IK: variants seen among roughly 807,000 people sequenced by gnomAD.
IK encodes the protein protein Red.
A neutral mutation model predicts 90.9 loss-of-function variants in IK; 47 were observed. The observed-to-expected ratio is 0.52, with a 90% CI of 0.41 to 0.66. The LOEUF is 0.66. Among genes scored for constraint, IK ranks in the 30% least tolerant of loss-of-function variants. The pLI, the probability that IK is intolerant of heterozygous loss-of-function variation, is 0.00. For missense variants in IK, 385 were observed against 709.3 expected, an observed-to-expected ratio of 0.54 and a Z score of 5.19; for synonymous variants, 201 against 227.5, an observed-to-expected ratio of 0.88 and a Z score of 1.05.
chr5:140,658,907 A>G, intron 11 of IK, 32 bp from the exon 12 acceptor site: 1 of 1,613,048 alleles, frequency 6.2e-7, no homozygotes, highest in East Asian at 2.2e-5. Context: ...GTATGTGTGA[A>G]TTTGGCCAGC....
chr5:140,657,699 G>T, intron 10 of IK, 37 bp downstream of exon 10: 2 of 1,393,088 alleles, frequency 1.4e-6, no homozygotes, highest in South Asian at 1.2e-5. Context: ...CTTACCCACA[G>T]AGGACGTTTG....
At chr5:140,654,460 G>T in intron 6 of IK, 56 bp from the exon 7 acceptor site, 2 of 1,322,596 alleles carry the variant, frequency 1.5e-6, no homozygotes, top group South Asian at 1.3e-5. Flanking sequence ...GTGGTGTAGT[G>T]GATGTTCAAT....
At chr5:140,657,517 T>C (rs202075814) in intron 9 of IK, 37 bp from the exon 10 acceptor site, 33 of 1,354,510 alleles carry the variant, frequency 2.4e-5, no homozygotes, top group Non-Finnish European at 3.4e-5. Context: ...AGATTTCTGC[T>C]GAGTGGTTTA....
rs369313354 is a variant in IK, at chr5:140,659,844, A to G, written c.1274+10A>G. 1 of 1,567,460 alleles carries G rather than the reference A, an allele frequency of 6.4e-7. No homozygotes were observed. The highest frequency in any genetic ancestry group is 8.7e-7 in the Non-Finnish European group (1 of 1,150,606). On this transcript the variant is annotated intron_variant, in intron 14 of 19. Coordinates refer to ENST00000417647, the MANE Select transcript of IK (RefSeq NM_006083.4). ...GGGAAGGCACAGAATCATATCCTTT[A>G]TTTTAATACGTTCCTGGGTTCCAGA... is the stretch of plus-strand genomic sequence containing the variant.
At chr5:140,654,632 C>T in intron 7 of IK, 46 bp downstream of exon 7, 5 of 1,582,164 alleles carry the variant, frequency 3.2e-6, no homozygotes, top group Non-Finnish European at 4.3e-6. Context: ...AAGGTGGGAC[C>T]TAAAGTTAGA....
In IK at chr5:140,659,023, GCGTGATCGGGAAAGAGACAGAGAC is replaced by G. The variant is rs1757757087; in HGVS notation, c.1041_1064del (p.Asp351_Arg358del). ...AGCGGGAGAGATATCGGGAACGGGA[GCGTGATCGGGAAAGAGACAGAGAC>G]CGTGACCGAGAGCGAGAGCGAGAAC... On this transcript the variant is annotated inframe_deletion, in exon 12 of 20. Coordinates refer to ENST00000417647, the MANE Select transcript of IK (RefSeq NM_006083.4). 1 of 1,613,034 alleles carries G rather than the reference GCGTGATCGGGAAAGAGACAGAGAC, an allele frequency of 6.2e-7. No homozygotes were observed. Among genetic ancestry groups the G allele is most frequent in the South Asian group, 1.1e-5 (1 of 91,072 alleles).
intron 9 of IK, among the ~76,000 whole-genome samples, chr5:140,656,757 T>C (rs887988626): frequency 6.6e-6 from 1 of 152,242 alleles, no homozygotes; most frequent in South Asian, 2.1e-4. Flanking sequence ...ATTTATCTTT[T>C]GTGTTACAAA....
chr5:140,655,764 T>G, intron 8 of IK, 65 bp from the exon 9 acceptor site: 1 of 1,529,282 alleles, frequency 6.5e-7, no homozygotes, highest in Non-Finnish European at 8.9e-7. Flanking sequence ...TAGCACAGAG[T>G]AAGCACATAA....
In IK at chr5:140,660,292, C is replaced by T. The variant is rs150056312; in HGVS notation, c.1355+97C>T. On this transcript the variant is annotated intron_variant, in intron 15 of 19. Transcript: ENST00000417647. ...GATTCGCTAAGTCCCAGGGCTACTT[C>T]TTTTTTTTTTTTTTTTTTTTTTGGA... 6.4e-3 allele frequency: 1,795 copies of T among 281,914 alleles called. 4 individuals are homozygous for T. Among genetic ancestry groups the T allele is most frequent in the South Asian group, 8.3e-3 (299 of 35,918 alleles). The allele number at this position is 281,914 out of a possible 1,614,324, so 17.5% of individuals were successfully genotyped here. A position where few individuals can be genotyped will look rare whatever the true frequency, so the allele number is the denominator to read the frequency against.
intron 9 of IK, among the ~76,000 whole-genome samples, chr5:140,656,556 T>C (rs1757713722): frequency 6.6e-6 from 1 of 152,216 alleles, no homozygotes; most frequent in Admixed American, 6.5e-5. Context: ...CCACTCTGAT[T>C]TGTTATTATA....
intron 15 of IK, 177 bp downstream of exon 15, chr5:140,660,372 G>A (rs1347651258): frequency 1.9e-5 from 10 of 529,904 alleles, no homozygotes; most frequent in Non-Finnish European, 1.7e-5. Context: ...ATCTCTGCTC[G>A]CTGCAATCTC....
chr5:140,647,875 C>T lies in IK; in HGVS notation c.-34C>T, dbSNP rs535080968. 6 of 1,613,590 alleles carry T rather than the reference C, an allele frequency of 3.7e-6. No individual in the cohort carries two copies. The highest frequency in any genetic ancestry group is 4.5e-5 in the East Asian group (2 of 44,886). Reference sequence around the variant, plus strand: ...CGCTGCGGTGTTGCTGTTGGAGACTCGATTGTTGGTGACAGCGAAAGAACG... The same window carrying T: ...CGCTGCGGTGTTGCTGTTGGAGACTTGATTGTTGGTGACAGCGAAAGAACG... On this transcript the variant is annotated 5_prime_UTR_variant, in exon 1 of 20. Coordinates refer to ENST00000417647, the MANE Select transcript of IK (RefSeq NM_006083.4).
At chr5:140,651,985 T>G (rs1157446094) in intron 3 of IK, 103 bp from the exon 4 acceptor site, 1 of 938,244 alleles carries the variant, frequency 1.1e-6, no homozygotes, top group Non-Finnish European at 1.7e-6. Context: ...AGTGTTACTT[T>G]GATCAGTATT....
rs1561981134 is a variant in IK, at chr5:140,661,090, A to G, written c.1413+275A>G. On this transcript the variant is annotated intron_variant, in intron 16 of 19. Transcript: ENST00000417647. This position sits in a 1 kb window ranked among gnomAD's most constrained non-coding sequence, Gnocchi z 4.2. ...CATGGTAGGCAGTAAGCAAGCATCA[A>G]TGCATAAGTAGAAAGGGCAGAAAAA... The G allele has an allele frequency of 1.2e-5, 5 of 400,330 alleles. No individual in the cohort carries two copies. The highest frequency in any genetic ancestry group is 2.1e-5 in the African/African-American group (1 of 48,542). 24.8% of individuals were successfully genotyped at this position (400,330 alleles called of 1,614,324 possible).
At chr5:140,652,212 C>A in intron 4 of IK, 65 bp downstream of exon 4, 4 of 1,212,672 alleles carry the variant, frequency 3.3e-6, no homozygotes, top group Non-Finnish European at 4.9e-6. Flanking sequence ...GAAGTAGGGG[C>A]TAATTATGAA....
At chr5:140,660,573 C>T in intron 15 of IK, 185 bp from the exon 16 acceptor site, 2 of 574,492 alleles carry the variant, frequency 3.5e-6, no homozygotes, top group Non-Finnish European at 6.2e-6. Flanking sequence ...GCGGGGATTA[C>T]AGGAGTGAGC....
chr5:140,660,141 A>T lies in IK; in HGVS notation c.1301A>T (p.Gln434Leu), dbSNP rs1757776351. 16 of 1,613,810 alleles carry T rather than the reference A, an allele frequency of 9.9e-6. No individual in the cohort carries two copies. Among genetic ancestry groups the T allele is most frequent in the Non-Finnish European group, 1.4e-5 (16 of 1,179,782 alleles). Residue 434 changes from glutamine (Q) to leucine (L), a missense_variant, in exon 15 of 20, where the codon CAG (glutamine) becomes CTG (leucine). Around this residue, in one of 8 missense-constraint regions of IK, gnomAD observed 139 missense variants for 172.0 expected, o/e 0.81. Coordinates refer to ENST00000417647, the MANE Select transcript of IK (RefSeq NM_006083.4). ...CTGAAGAAGCCAGAAGACAAAAAGCAGCTGGGAGATTTCTTTGGCATGTCC... is the reference window on the plus strand; with the variant it reads ...CTGAAGAAGCCAGAAGACAAAAAGCTGCTGGGAGATTTCTTTGGCATGTCC... ...ESLKKPEDKK[Q>L]LGDFFGMSNS...
At position 140,649,233 on chromosome 5, in the gene IK, C is replaced by T. The variant is rs1485281723; in HGVS notation, c.83+696C>T. 5.2e-5 allele frequency among the ~76,000 whole-genome samples: 7 copies of T among 133,822 alleles called. No homozygotes were observed. In the East Asian group the frequency reaches 1.1e-3, roughly 22 times the overall value. 87.8% of individuals were successfully genotyped at this position (133,822 alleles called of 152,430 possible). On this transcript the variant is annotated intron_variant, in intron 2 of 19. Coordinates refer to ENST00000417647, the MANE Select transcript of IK (RefSeq NM_006083.4). ...TCTTTCTTTTTTTTTTTTTTTGAGA[C>T]GGAGTCTCACTGTTACCCAGGCTGG...
chr5:140,654,883 A>G (rs1757680286), intron 8 of IK, among the ~76,000 whole-genome samples, 156 bp downstream of exon 8: 1 of 152,098 alleles, frequency 6.6e-6, no homozygotes, highest in Non-Finnish European at 1.5e-5. Context: ...GCTGGAGTGC[A>G]GTGGTGTGAT....
Sources: allele counts gnomAD v4.1 joint callset (sites outside exome capture counted in the v4.1 genomes callset), GRCh38; gene constraint gnomAD v4.1.1; regional missense constraint gnomAD v4.1.1; non-coding constraint Gnocchi (gnomAD v3.1); transcripts MANE v1.5; gene names NCBI Gene and HGNC (gene_info 2026-07-23, HGNC 2026-07-21).